Variants in SULF2 observed in about 807,000 individuals in gnomAD.
SULF2 encodes sulfatase 2, also known as extracellular sulfatase Sulf-2.
A neutral mutation model predicts 107.7 loss-of-function variants in SULF2; 52 were observed. That is an observed-to-expected ratio of 0.48 (90% CI 0.39 to 0.61). The LOEUF (loss-of-function observed/expected upper bound fraction) is 0.61. Ranked by LOEUF, SULF2 falls within the 20% of genes least tolerant of loss-of-function variation. SULF2 has a pLI of 0.00. For synonymous variants in SULF2, 460 were observed against 464.3 expected, an observed-to-expected ratio of 0.99 and a Z score of 0.12; for missense variants, 993 against 1,177.3, an observed-to-expected ratio of 0.84 and a Z score of 2.29.
At chr20:47,690,548 G>A (rs1265653411) in intron 4 of SULF2, among the ~76,000 whole-genome samples, 1 of 152,186 alleles carries the variant, frequency 6.6e-6, no homozygotes, top group Admixed American at 6.5e-5. Context: ...AGGGAGAACA[G>A]GGCAGGAATT....
At chr20:47,686,923 C>T (rs779139962) in intron 5 of SULF2, among the ~76,000 whole-genome samples, 11 of 152,144 alleles carry the variant, frequency 7.2e-5, no homozygotes, top group Admixed American at 2.0e-4. Context: ...GGGCCTGACC[C>T]GCCATGTAGA....
chr20:47,684,312 T>C (rs2087924310), intron 6 of SULF2, 119 bp downstream of exon 6: 2 of 1,171,792 alleles, frequency 1.7e-6, no homozygotes, highest in Admixed American at 3.1e-5. Context: ...TGGGGCCTCT[T>C]CATTCTGCCT....
At chr20:47,737,046 T>A in intron 2 of SULF2, 104 bp from the exon 3 acceptor site, 10 of 1,532,860 alleles carry the variant, frequency 6.5e-6, no homozygotes, top group Non-Finnish European at 8.0e-6. Context: ...AGTGGGCACA[T>A]TCTGCAGACC....
intron 1 of SULF2, among the ~76,000 whole-genome samples, chr20:47,760,317 A>AG (rs2090390764): frequency 6.6e-6 from 1 of 151,964 alleles, no homozygotes; most frequent in Admixed American, 6.5e-5. Flanking sequence ...GCAGCATGGG[A>AG]GGTGGTGGGA....
chr20:47,669,588 G>T (rs754270284), intron 11 of SULF2, among the ~76,000 whole-genome samples: 1 of 151,832 alleles, frequency 6.6e-6, no homozygotes, highest in African/African-American at 2.4e-5. Context: ...AGAGTGTCTT[G>T]TCGGAGACTC....
intron 5 of SULF2, among the ~76,000 whole-genome samples, chr20:47,688,605 G>T (rs114549970): frequency 6.6e-6 from 1 of 152,200 alleles, no homozygotes; most frequent in African/African-American, 2.4e-5. Context: ...TCTAAGTGGC[G>T]GTAGGGCGGG....
chr20:47,719,922 T>C (rs1331826693), intron 3 of SULF2, among the ~76,000 whole-genome samples: 1 of 152,242 alleles, frequency 6.6e-6, no homozygotes, highest in Non-Finnish European at 1.5e-5. Flanking sequence ...TTACCAGTAA[T>C]GGCAATACCA....
At chr20:47,712,254 G>C (rs963203501) in intron 3 of SULF2, among the ~76,000 whole-genome samples, 2 of 152,162 alleles carry the variant, frequency 1.3e-5, no homozygotes, top group African/African-American at 4.8e-5. Context: ...ACGCACTGCT[G>C]AGCTCACTCT....
chr20:47,734,483 T>C (rs140239457), intron 3 of SULF2, among the ~76,000 whole-genome samples: 131 of 152,374 alleles, frequency 8.6e-4, no homozygotes, highest in African/African-American at 2.9e-3. Flanking sequence ...CTGATCAGTA[T>C]AACATATCAC....
rs113623634 is a variant in SULF2, at chr20:47,665,807, G to A, written c.1902+50C>T. On this transcript the variant is annotated intron_variant, in intron 13 of 20. Transcript: ENST00000688720. ...CCTCCCACTGTGAACCGGGGGTCCT[G>A]CCAGGCCCGTGGTGGCCGAGAGCAT... 45 of 1,527,136 alleles carry A rather than the reference G, an allele frequency of 2.9e-5. 2 individuals carry two copies. In the African/African-American group the frequency reaches 3.1e-4, roughly 11 times the overall value. 94.6% of individuals were successfully genotyped at this position (1,527,136 alleles called of 1,614,324 possible). A position where few individuals can be genotyped will look rare whatever the true frequency, so the allele number is the denominator to read the frequency against.
At chr20:47,762,907 C>A (rs1360453937) in intron 1 of SULF2, among the ~76,000 whole-genome samples, 1 of 152,244 alleles carries the variant, frequency 6.6e-6, no homozygotes, top group African/African-American at 2.4e-5. Flanking sequence ...CTAATTATTT[C>A]ATCAGATCAA....
chr20:47,661,018 A>G (rs1209992983), intron 18 of SULF2, among the ~76,000 whole-genome samples: 1 of 152,182 alleles, frequency 6.6e-6, no homozygotes, highest in African/African-American at 2.4e-5. Flanking sequence ...TTTCTCCCAT[A>G]AAGTCCCATT....
intron 2 of SULF2, among the ~76,000 whole-genome samples, chr20:47,743,110 T>G: frequency 6.6e-6 from 1 of 152,006 alleles, no homozygotes; most frequent in East Asian, 1.9e-4. Context: ...ATGGCTAGTT[T>G]CTTAAAATTA....
chr20:47,693,730 A>C (rs1483188540), intron 4 of SULF2, among the ~76,000 whole-genome samples: 4 of 152,222 alleles, frequency 2.6e-5, no homozygotes, highest in Non-Finnish European at 4.4e-5. Flanking sequence ...TGTGGGTAGA[A>C]GCTCCAGGAT....
chr20:47,678,590 C>A lies in SULF2; in HGVS notation c.1193+86G>T. The A allele has an allele frequency of 6.5e-7, 1 of 1,548,434 alleles. No homozygotes were observed. Among genetic ancestry groups the A allele is most frequent in the South Asian group, 1.2e-5 (1 of 84,272 alleles). On this transcript the variant is annotated intron_variant, in intron 8 of 20. Transcript: ENST00000688720. The surrounding 1 kb of genome is among the most constrained non-coding windows in gnomAD (Gnocchi z 4.5). ...CCCAGCTCCCGACCCTTGGAGACCC[C>A]ACGTTCTAGACCCACAGGGTTTTGC...
intron 3 of SULF2, among the ~76,000 whole-genome samples, chr20:47,707,298 T>C (rs1315644735): frequency 6.6e-6 from 1 of 152,106 alleles, no homozygotes; most frequent in Non-Finnish European, 1.5e-5. Context: ...AGTTTTATTA[T>C]TTTTTATTCT....
intron 3 of SULF2, among the ~76,000 whole-genome samples, chr20:47,731,761 A>C: frequency 6.6e-6 from 1 of 152,220 alleles, no homozygotes; most frequent in East Asian, 1.9e-4. Flanking sequence ...TGTTCTTCAA[A>C]GTGGAGGGAA....
intron 1 of SULF2, among the ~76,000 whole-genome samples, chr20:47,758,378 C>T (rs6066457): frequency 0.24 from 36,465 of 151,946 alleles, 5,239 homozygotes; most frequent in Admixed American, 0.37. Context: ...ACCATGTTGG[C>T]CAGGCTGGTC....
intron 1 of SULF2, among the ~76,000 whole-genome samples, chr20:47,773,991 A>G (rs1175201555): frequency 6.6e-6 from 1 of 152,246 alleles, no homozygotes; most frequent in Non-Finnish European, 1.5e-5. Context: ...TCCACAGGCG[A>G]GCGTGCCGTC....
Sources: allele counts gnomAD v4.1 joint callset (sites outside exome capture counted in the v4.1 genomes callset), GRCh38; gene constraint gnomAD v4.1.1; non-coding constraint Gnocchi (gnomAD v3.1); transcripts MANE v1.5; gene names NCBI Gene and HGNC (gene_info 2026-07-23, HGNC 2026-07-21).